Variants in IQSEC1 observed in about 807,000 individuals in gnomAD.
The protein encoded by IQSEC1 is IQ motif and Sec7 domain ArfGEF 1.
Under a neutral mutation model 91.0 loss-of-function variants are expected in IQSEC1, and 31 were observed. The observed-to-expected ratio is 0.34, with a 90% CI of 0.26 to 0.46. The LOEUF is 0.46. Ranked by LOEUF, IQSEC1 falls within the 20% of genes least tolerant of loss-of-function variation. The pLI, the probability that IQSEC1 is intolerant of heterozygous loss-of-function variation, is 1.00. For synonymous variants in IQSEC1, 699 were observed against 662.6 expected, an observed-to-expected ratio of 1.05 and a Z score of -0.84; for missense variants, 1,388 against 1,575.6, an observed-to-expected ratio of 0.88 and a Z score of 2.02.
chr3:13,237,573 G>C (rs1311680329), intron 1 of IQSEC1, among the ~76,000 whole-genome samples: 1 of 152,202 alleles, frequency 6.6e-6, no homozygotes, highest in Non-Finnish European at 1.5e-5. Context: ...GAGCTGCTGG[G>C]CTGCGCACTT....
At position 13,171,051 on chromosome 3, in the gene IQSEC1, G is replaced by T. The variant is rs531542994; in HGVS notation, c.273-6918C>A. On this transcript the variant is annotated intron_variant, in intron 1 of 15. Coordinates refer to the IQSEC1 transcript ENST00000648114. ...GGAGGCGGAGGTTGCAGAGACTGGA[G>T]ACTGCGCCAATGCACTCCAGCCTGG... Among the ~76,000 whole-genome samples the T allele has an allele frequency of 3.9e-5, 6 of 151,964 alleles. 1 individual carries two copies. The highest frequency in any genetic ancestry group is 1.5e-4 in the African/African-American group (6 of 41,356).
intron 1 of IQSEC1, among the ~76,000 whole-genome samples, chr3:13,023,055 C>T (rs528629656): frequency 1.2e-4 from 19 of 152,326 alleles, no homozygotes; most frequent in Admixed American, 9.8e-4. Context: ...TGTTGGTTTA[C>T]ATGAGACACA....
At chr3:13,039,984 A>C (rs751219520) in intron 1 of IQSEC1, among the ~76,000 whole-genome samples, 1 of 152,218 alleles carries the variant, frequency 6.6e-6, no homozygotes, top group Non-Finnish European at 1.5e-5. Flanking sequence ...AAAATGGAAG[A>C]ATCATGACTC....
intron 1 of IQSEC1, among the ~76,000 whole-genome samples, chr3:13,234,080 TCTCCAATGCTGG>T (rs1354766047): frequency 6.6e-6 from 1 of 152,236 alleles, no homozygotes; most frequent in East Asian, 1.9e-4. Flanking sequence ...TTCCCCTAGC[TCTCCAATGCTGG>T]GTTTGTCTAA....
intron 1 of IQSEC1, among the ~76,000 whole-genome samples, chr3:13,179,526 G>A (rs357141): frequency 0.82 from 124,578 of 152,290 alleles, 51,425 homozygotes; most frequent in African/African-American, 0.93. Context: ...ATTCTCCAAG[G>A]AGACACAACA....
intron 1 of IQSEC1, among the ~76,000 whole-genome samples, chr3:13,004,525 C>T (rs1702552604): frequency 1.3e-5 from 2 of 152,164 alleles, no homozygotes; most frequent in East Asian, 3.9e-4. Flanking sequence ...TGTGCACTCT[C>T]CCCGCCTCCC....
intron 8 of IQSEC1, among the ~76,000 whole-genome samples, chr3:12,913,998 C>T (rs1187705089): frequency 2.6e-5 from 4 of 152,204 alleles, no homozygotes; most frequent in Non-Finnish European, 5.9e-5. Flanking sequence ...TGAGGAAAAA[C>T]TGAGGCACAG....
chr3:13,046,372 C>T (rs968168504), intron 1 of IQSEC1, among the ~76,000 whole-genome samples: 1 of 152,226 alleles, frequency 6.6e-6, no homozygotes, highest in African/African-American at 2.4e-5. Flanking sequence ...GCGCACGCGG[C>T]GGGGCTGCCA....
intron 1 of IQSEC1, among the ~76,000 whole-genome samples, chr3:13,038,732 G>A (rs1704141238): frequency 1.3e-5 from 2 of 152,234 alleles, no homozygotes; most frequent in South Asian, 4.2e-4. Context: ...AGAATGTAGG[G>A]ACACAGGACT....
intron 1 of IQSEC1, among the ~76,000 whole-genome samples, chr3:13,049,048 CTGGGA>C (rs1427514429): frequency 6.6e-6 from 1 of 152,170 alleles, no homozygotes; most frequent in Non-Finnish European, 1.5e-5. Context: ...TGTGCCCAAT[CTGGGA>C]TGGGCAACAG....
intron 12 of IQSEC1, among the ~76,000 whole-genome samples, chr3:12,904,602 CT>C (rs1559601588): frequency 6.6e-6 from 1 of 152,186 alleles, no homozygotes; most frequent in African/African-American, 2.4e-5. Context: ...CTCCACCCCC[CT>C]CTTGGGTGGC....
chr3:13,199,397 C>T (rs1410191553), intron 1 of IQSEC1, among the ~76,000 whole-genome samples: 4 of 152,336 alleles, frequency 2.6e-5, no homozygotes, highest in African/African-American at 9.6e-5. Context: ...TAGGGCACCC[C>T]CTGGGACAGG....
chr3:12,911,337 T>C (rs1334848185), intron 10 of IQSEC1, among the ~76,000 whole-genome samples: 1 of 152,254 alleles, frequency 6.6e-6, no homozygotes, highest in East Asian at 1.9e-4. Context: ...AACATTTACA[T>C]AAATGTATTT....
At position 12,899,363 on chromosome 3, in the gene IQSEC1, C is replaced by A. The variant is rs373575240; in HGVS notation, c.*1620G>T. On this transcript the variant is annotated 3_prime_UTR_variant, in exon 14 of 14. Transcript: ENST00000613206. ...AAAGGGCCTCCGCCTGGGCAGGCGCCGGGGGGCAGTCCTCGGGTCCCATGG... is the reference window on the plus strand; with the variant it reads ...AAAGGGCCTCCGCCTGGGCAGGCGCAGGGGGGCAGTCCTCGGGTCCCATGG... The A allele has an allele frequency of 6.2e-7, 1 of 1,610,616 alleles. No homozygotes were observed. The highest frequency in any genetic ancestry group is 1.7e-5 in the Admixed American group (1 of 59,832).
intron 1 of IQSEC1, among the ~76,000 whole-genome samples, chr3:13,227,898 G>C (rs1262475028): frequency 6.6e-6 from 1 of 152,194 alleles, no homozygotes; most frequent in Admixed American, 6.5e-5. Context: ...GCCGAGGCCT[G>C]AGGCTGGATC....
intron 1 of IQSEC1, among the ~76,000 whole-genome samples, chr3:13,183,966 T>TA (rs1311609936): frequency 7.2e-5 from 11 of 152,158 alleles, no homozygotes; most frequent in African/African-American, 2.7e-4. Context: ...CAAAAAGAAA[T>TA]AGATTAAAAT....
intron 1 of IQSEC1, among the ~76,000 whole-genome samples, chr3:13,251,980 G>A (rs1241783858): frequency 5.9e-5 from 9 of 152,344 alleles, no homozygotes; most frequent in Admixed American, 6.5e-5. Flanking sequence ...AGCAAACCCA[G>A]AGCCCAGTGC....
chr3:12,913,722 A>G (rs1695793664), intron 8 of IQSEC1, among the ~76,000 whole-genome samples, 169 bp from the exon 9 acceptor site: 1 of 152,230 alleles, frequency 6.6e-6, no homozygotes. Context: ...CTTTTGGCTC[A>G]TGGCAGTTTC....
At chr3:13,171,529 C>T (rs1693611816) in intron 1 of IQSEC1, among the ~76,000 whole-genome samples, 7 of 152,156 alleles carry the variant, frequency 4.6e-5, no homozygotes, top group Admixed American at 4.6e-4. Context: ...TTTCCCACTC[C>T]CTTCTCCCCT....
Sources: gnomAD v4.1 joint callset for allele counts (sites outside exome capture counted in the v4.1 genomes callset) on GRCh38, gnomAD v4.1.1 for gene constraint, MANE v1.5 for transcripts, NCBI Gene and HGNC (gene_info 2026-07-23, HGNC 2026-07-21) for gene names.